Variants in GPC5 observed in about 807,000 individuals in gnomAD.
GPC5 encodes the protein glypican-5.
GPC5 carries 47 observed loss-of-function variants against 53.9 expected under a neutral mutation model. The ratio of observed to expected loss-of-function variants is 0.87; its 90% CI spans 0.69 to 1.11. The LOEUF (loss-of-function observed/expected upper bound fraction) is 1.11, where lower values mean the gene tolerates loss of function less well. Among genes scored for constraint, GPC5 ranks in the 50% most tolerant of loss-of-function variants. The probability of loss-of-function intolerance (pLI) is 0.00; values close to 1 mark genes in which losing one functional copy is unlikely to be tolerated. For missense variants in GPC5, 748 were observed against 713.1 expected, an observed-to-expected ratio of 1.05 and a Z score of -0.56; for synonymous variants, 286 against 263.3, an observed-to-expected ratio of 1.09 and a Z score of -0.84.
intron 6 of GPC5, among the ~76,000 whole-genome samples, chr13:92,037,436 T>A (rs938573034): frequency 3.9e-5 from 6 of 152,240 alleles, no homozygotes; most frequent in African/African-American, 1.4e-4. Flanking sequence ...ACTGCTTTAT[T>A]TAACATGAAC....
chr13:92,331,073 A>T (rs1264383326), intron 7 of GPC5, among the ~76,000 whole-genome samples: 2 of 152,118 alleles, frequency 1.3e-5, no homozygotes, highest in Non-Finnish European at 2.9e-5. Context: ...GTCTAAATAG[A>T]TTTTTTTAAA....
In GPC5 at chr13:91,592,351, G is replaced by C. The variant is rs145005751; in HGVS notation, c.326-100836G>C. Among the ~76,000 whole-genome samples the C allele has an allele frequency of 2.6e-3, 402 of 152,254 alleles. 2 individuals are homozygous for C. Among genetic ancestry groups the C allele is most frequent in the Non-Finnish European group, 4.0e-3 (269 of 68,002 alleles). The stretch of plus-strand genomic sequence containing the variant: ...GCTCTGTTGTGAGGGAGGAAGAGAG[G>C]TAACCTCCTCACCAGGTCTGCTCCC... On this transcript the variant is annotated intron_variant, in intron 2 of 7. Coordinates refer to ENST00000377067, the MANE Select transcript of GPC5 (RefSeq NM_004466.6).
At chr13:91,556,285 T>G (rs1412072016) in intron 2 of GPC5, among the ~76,000 whole-genome samples, 1 of 151,960 alleles carries the variant, frequency 6.6e-6, no homozygotes, top group Non-Finnish European at 1.5e-5. Context: ...GTACCATAGT[T>G]TTTTTGGGTG....
chr13:92,695,390 C>T (rs1307514495), intron 7 of GPC5, among the ~76,000 whole-genome samples: 2 of 152,124 alleles, frequency 1.3e-5, no homozygotes, highest in Non-Finnish European at 2.9e-5. Flanking sequence ...TTATTAACAC[C>T]CTTGTAAAAT....
At chr13:92,244,365 A>G (rs971393802) in intron 7 of GPC5, among the ~76,000 whole-genome samples, 2 of 152,166 alleles carry the variant, frequency 1.3e-5, no homozygotes, top group Non-Finnish European at 2.9e-5. Flanking sequence ...AAAATATTAG[A>G]GAGAGTGTAA....
intron 2 of GPC5, among the ~76,000 whole-genome samples, chr13:91,474,058 A>G (rs1195669181): frequency 6.6e-6 from 1 of 152,182 alleles, no homozygotes; most frequent in Non-Finnish European, 1.5e-5. Context: ...TTGTGAAGAC[A>G]TCAGGAATGT....
intron 2 of GPC5, among the ~76,000 whole-genome samples, chr13:91,490,258 G>C (rs1883868066): frequency 6.6e-6 from 1 of 152,142 alleles, no homozygotes; most frequent in South Asian, 2.1e-4. Context: ...AGATACAGCA[G>C]GATGAGTCAG....
chr13:91,811,888 A>G (rs987718870), intron 5 of GPC5, among the ~76,000 whole-genome samples: 17 of 152,242 alleles, frequency 1.1e-4, no homozygotes, highest in African/African-American at 4.1e-4. Flanking sequence ...ATGTTACTAC[A>G]TCACAGCGAA....
chr13:92,841,165 G>T (rs2138833538), intron 7 of GPC5, among the ~76,000 whole-genome samples: 1 of 152,112 alleles, frequency 6.6e-6, no homozygotes, highest in East Asian at 1.9e-4. Flanking sequence ...TGATCCATTT[G>T]GTTTGTGTGC....
chr13:92,502,495 A>G (rs1390822574), intron 7 of GPC5, among the ~76,000 whole-genome samples: 2 of 152,016 alleles, frequency 1.3e-5, no homozygotes, highest in African/African-American at 4.8e-5. Context: ...TCAGATATAC[A>G]TAGTGATGTA....
intron 6 of GPC5, among the ~76,000 whole-genome samples, chr13:92,049,830 A>G (rs2041013085): frequency 1.3e-5 from 2 of 152,174 alleles, no homozygotes; most frequent in Non-Finnish European, 2.9e-5. Context: ...ATGAAAGCGA[A>G]GAGGAAATGA....
intron 5 of GPC5, among the ~76,000 whole-genome samples, chr13:91,886,958 T>A (rs2039329983): frequency 6.6e-6 from 1 of 152,140 alleles, no homozygotes; most frequent in South Asian, 2.1e-4. Flanking sequence ...ATGGTGGCCC[T>A]CTTCTCACAG....
chr13:92,590,340 G>T (rs1305235428), intron 7 of GPC5, among the ~76,000 whole-genome samples: 1 of 151,926 alleles, frequency 6.6e-6, no homozygotes, highest in Admixed American at 6.6e-5. Context: ...CCCAGAACAG[G>T]CTGTGTGAGG....
chr13:91,577,031 C>T (rs1366941007), intron 2 of GPC5, among the ~76,000 whole-genome samples: 1 of 152,148 alleles, frequency 6.6e-6, no homozygotes, highest in Non-Finnish European at 1.5e-5. Flanking sequence ...TTGACCTTCT[C>T]TCTACTCCTT....
chr13:91,766,635 G>A (rs906629393), intron 5 of GPC5, among the ~76,000 whole-genome samples: 1 of 152,154 alleles, frequency 6.6e-6, no homozygotes, highest in Non-Finnish European at 1.5e-5. Flanking sequence ...GGCTGAGGTG[G>A]GCAGAACACG....
intron 2 of GPC5, among the ~76,000 whole-genome samples, chr13:91,576,747 A>G (rs1354582371): frequency 6.6e-6 from 1 of 152,188 alleles, no homozygotes; most frequent in Non-Finnish European, 1.5e-5. Context: ...CATATGGCTA[A>G]GTCAGAATAT....
chr13:92,594,211 A>T (rs1042676432), intron 7 of GPC5, among the ~76,000 whole-genome samples: 3 of 152,134 alleles, frequency 2.0e-5, no homozygotes, highest in Admixed American at 6.5e-5. Context: ...TGTGAAATGG[A>T]ACTAAAAACA....
intron 6 of GPC5, among the ~76,000 whole-genome samples, chr13:92,072,731 A>G (rs906699953): frequency 6.6e-6 from 1 of 151,306 alleles, no homozygotes; most frequent in Non-Finnish European, 1.5e-5. Flanking sequence ...GTGCTACCAC[A>G]CCCAGTTAAT....
intron 6 of GPC5, among the ~76,000 whole-genome samples, chr13:92,029,665 G>C (rs1270772330): frequency 6.6e-6 from 1 of 152,186 alleles, no homozygotes; most frequent in Non-Finnish European, 1.5e-5. Context: ...TTAATGTATA[G>C]GTTGACTCAT....
Sources: allele counts gnomAD v4.1 joint callset (sites outside exome capture counted in the v4.1 genomes callset), GRCh38; gene constraint gnomAD v4.1.1; transcripts MANE v1.5; gene names NCBI Gene and HGNC (gene_info 2026-07-23, HGNC 2026-07-21).